The following GRM7 variants were observed in gnomAD, a reference collection of about 807,000 sequenced individuals.
GRM7 encodes the protein metabotropic glutamate receptor 7.
In GRM7, 35 loss-of-function variants were observed where a neutral mutation model predicts 84.5. The observed-to-expected ratio is 0.41, with a 90% CI of 0.32 to 0.55. The LOEUF (loss-of-function observed/expected upper bound fraction) is 0.55. GRM7 is among the 20% of genes least tolerant of loss of function. GRM7 has a pLI of 0.19. For missense variants in GRM7, 1,003 were observed against 1,194.6 expected (o/e 0.84, Z 2.36); for synonymous variants, 487 against 455.1 (o/e 1.07, Z -0.89).
chr3:7,128,504 C>CTGGCCGGGGT (rs376383366), intron 1 of GRM7, among the ~76,000 whole-genome samples: 1 of 118,716 alleles, frequency 8.4e-6, no homozygotes, highest in Non-Finnish European at 1.7e-5. Flanking sequence ...AATCAGACTT[C>CTGGCCGGGGT]CTTGTTTTTT....
chr3:7,447,746 TTTTA>T (rs1431237227), intron 5 of GRM7, among the ~76,000 whole-genome samples: 6 of 151,774 alleles, frequency 4.0e-5, no homozygotes, highest in African/African-American at 9.7e-5. Flanking sequence ...TTAATATTTA[TTTTA>T]TTTATTTTAT....
chr3:7,646,762 A>G (rs924170816), intron 8 of GRM7, among the ~76,000 whole-genome samples: 1 of 152,206 alleles, frequency 6.6e-6, no homozygotes, highest in Non-Finnish European at 1.5e-5. Context: ...ATCTTTGATG[A>G]TAATGAATGG....
intron 4 of GRM7, among the ~76,000 whole-genome samples, chr3:7,344,367 A>T (rs955607175): frequency 6.6e-6 from 1 of 152,082 alleles, no homozygotes. Context: ...TTCTTGTGTT[A>T]GTTTGCTAAA....
At chr3:7,662,169 A>G (rs1413888309) in intron 8 of GRM7, among the ~76,000 whole-genome samples, 1 of 152,224 alleles carries the variant, frequency 6.6e-6, no homozygotes, top group African/African-American at 2.4e-5. Flanking sequence ...GTTATCATAG[A>G]ATTTTATTTA....
intron 9 of GRM7, among the ~76,000 whole-genome samples, chr3:7,702,009 A>C (rs1559496831): frequency 6.6e-6 from 1 of 152,300 alleles, no homozygotes; most frequent in South Asian, 2.1e-4. Context: ...GACCACATGA[A>C]GTCTATATAG....
At chr3:7,283,400 G>GTTA (rs61500951) in intron 2 of GRM7, among the ~76,000 whole-genome samples, 75,022 of 150,264 alleles carry the variant, frequency 0.5, 19,130 homozygotes, top group African/African-American at 0.62. Flanking sequence ...TGAGGTTGCT[G>GTTA]TTATTATTAT....
In GRM7 at chr3:7,445,358, G is replaced by A. The variant is rs531878355; in HGVS notation, c.1175-7249G>A. On this transcript the variant is annotated intron_variant, in intron 5 of 9. Coordinates refer to ENST00000357716, the MANE Select transcript of GRM7 (RefSeq NM_000844.4). ...ATGAAGTAACAGAGAGGCAAGAAAC[G>A]GAAGACAAATGGAGAAAATAATATT... 1.1e-3 allele frequency among the ~76,000 whole-genome samples: 171 copies of A among 152,164 alleles called. 1 individual carries two copies. The highest frequency in any genetic ancestry group is 3.0e-3 in the Admixed American group (46 of 15,270).
Position 7,305,617 on chromosome 3 carries a change from G to A in GRM7, c.879-881G>A, listed in dbSNP as rs1193919061. Among the ~76,000 whole-genome samples, 6 of 45,150 alleles carry A rather than the reference G, an allele frequency of 1.3e-4. 2 individuals are homozygous for A. Among genetic ancestry groups the A allele is most frequent in the Non-Finnish European group, 5.5e-4 (6 of 10,980 alleles). 29.6% of individuals were successfully genotyped at this position (45,150 alleles called of 152,430 possible). A position where few individuals can be genotyped will look rare whatever the true frequency, so the allele number is the denominator to read the frequency against. On this transcript the variant is annotated intron_variant, in intron 3 of 9. Transcript: ENST00000357716. ...GCAGTGTTTGGTTTTTTGTTCTTGC[G>A]ATAGTTTACTGAGAATGATTTTTTT...
chr3:7,138,764 A>G (rs999801923), intron 1 of GRM7, among the ~76,000 whole-genome samples: 20 of 151,616 alleles, frequency 1.3e-4, no homozygotes, highest in Admixed American at 6.6e-5. Flanking sequence ...GTTACCATAT[A>G]TCTATATGGT....
Position 7,349,783 on chromosome 3 carries a change from A to G in GRM7, c.1033+43131A>G, listed in dbSNP as rs756109242. ...TGTAATTGTCAAGGGTATAGATGAA[A>G]TGATTAAATATCTATTCATGAAGTT... On this transcript the variant is annotated intron_variant, in intron 4 of 9. Transcript: ENST00000357716. 4.6e-4 allele frequency among the ~76,000 whole-genome samples: 70 copies of G among 152,174 alleles called. 1 individual carries two copies. Among genetic ancestry groups the G allele is most frequent in the Non-Finnish European group, 8.1e-4 (55 of 68,014 alleles).
At chr3:7,594,150 C>A (rs984321832) in intron 8 of GRM7, among the ~76,000 whole-genome samples, 2 of 152,126 alleles carry the variant, frequency 1.3e-5, no homozygotes, top group East Asian at 3.9e-4. Context: ...TATTCCAAGT[C>A]TCATTCACCT....
chr3:7,304,445 G>C (rs949496395), intron 3 of GRM7, among the ~76,000 whole-genome samples: 2 of 149,734 alleles, frequency 1.3e-5, no homozygotes, highest in East Asian at 3.9e-4. Flanking sequence ...TGATGTGCTT[G>C]ATTTTCCTCC....
chr3:7,081,947 G>A (rs924721981), intron 1 of GRM7, among the ~76,000 whole-genome samples: 27 of 152,090 alleles, frequency 1.8e-4, no homozygotes, highest in African/African-American at 6.0e-4. Flanking sequence ...GGAGCTAGCA[G>A]GAGTTGGTTC....
intron 9 of GRM7, chr3:7,680,994 G>T (rs986142223): frequency 6.6e-6 from 1 of 152,226 alleles, no homozygotes; most frequent in African/African-American, 2.4e-5. Context: ...AGTCATGCAT[G>T]CAAATGTCCC....
At chr3:6,881,873 T>C (rs1695523514) in intron 1 of GRM7, among the ~76,000 whole-genome samples, 1 of 151,972 alleles carries the variant, frequency 6.6e-6, no homozygotes, top group African/African-American at 2.4e-5. Flanking sequence ...GTTTAGTCAA[T>C]AGGTGTTCAT....
chr3:7,602,485 G>A (rs55835007), intron 8 of GRM7, among the ~76,000 whole-genome samples: 24,470 of 152,126 alleles, frequency 0.16, 2,365 homozygotes, highest in Middle Eastern at 0.27. Context: ...ATTACTTACA[G>A]ATGCATATGC....
Position 7,680,028 on chromosome 3 carries a change from CT to C in GRM7, c.2452-19del, listed in dbSNP as rs1468812166. 16 of 1,612,636 alleles carry C rather than the reference CT, an allele frequency of 9.9e-6. No homozygotes were observed. The highest frequency in any genetic ancestry group is 1.4e-5 in the Non-Finnish European group (16 of 1,178,912). On this transcript the variant is annotated intron_variant, in intron 8 of 9. Coordinates refer to ENST00000357716, the MANE Select transcript of GRM7 (RefSeq NM_000844.4). The stretch of plus-strand genomic sequence containing the variant: ...GCAGTCATTTTATTTGTAATAGTGC[CT>C]TGTGTGTTGTGTCTCCTAGCTCTAC...
chr3:7,044,402 C>A (rs756543098), intron 1 of GRM7, among the ~76,000 whole-genome samples: 3 of 151,958 alleles, frequency 2.0e-5, no homozygotes, highest in African/African-American at 7.3e-5. Flanking sequence ...GGTGGTGGAA[C>A]GAGAGGTGAT....
intron 1 of GRM7, among the ~76,000 whole-genome samples, chr3:6,924,610 C>T (rs1201920848): frequency 1.3e-5 from 2 of 152,120 alleles, no homozygotes. Flanking sequence ...GATGTTGTCA[C>T]AGGGTAGTTC....
Sources: allele counts gnomAD v4.1 joint callset (sites outside exome capture counted in the v4.1 genomes callset), GRCh38; gene constraint gnomAD v4.1.1; transcripts MANE v1.5; gene names NCBI Gene and HGNC (gene_info 2026-07-23, HGNC 2026-07-21).